The following PTPRD variants were observed in gnomAD, a reference collection of about 807,000 sequenced individuals.
PTPRD encodes the protein protein tyrosine phosphatase receptor type D, also known as receptor-type tyrosine-protein phosphatase delta.
A neutral mutation model predicts 214.5 loss-of-function variants in PTPRD; 34 were observed. The ratio of observed to expected loss-of-function variants is 0.16; its 90% CI spans 0.12 to 0.21. The LOEUF (loss-of-function observed/expected upper bound fraction) is 0.21. PTPRD is among the 10% of genes least tolerant of loss of function. The pLI is 1.00. For missense variants in PTPRD, 2,545 were observed against 2,398.7 expected (o/e 1.06, Z -1.27); for synonymous variants, 1,128 against 845.7 (o/e 1.33, Z -5.79).
intron 9 of PTPRD, among the ~76,000 whole-genome samples, chr9:9,220,278 C>T (rs2099954992): frequency 6.8e-6 from 1 of 146,584 alleles, no homozygotes; most frequent in African/African-American, 2.5e-5. Context: ...ATGGGGTAAC[C>T]ATTCTTTACT....
rs542594141 is a variant in PTPRD at position 9,175,571 on chromosome 9, C to T, written c.-143+7733G>A. Among the ~76,000 whole-genome samples, 525 of 141,078 alleles carry T rather than the reference C, an allele frequency of 3.7e-3. 2 individuals carry two copies. The highest frequency in any genetic ancestry group is 5.9e-3 in the Non-Finnish European group (392 of 66,768). 92.6% of individuals were successfully genotyped at this position (141,078 alleles called of 152,430 possible). A position where few individuals can be genotyped will look rare whatever the true frequency, so the allele number is the denominator to read the frequency against. ...CTGGGAGATGGAGGTTACAGTGAGC[C>T]GAGATTGCGCTGCTGCACTCCAGCT... is the stretch of plus-strand genomic sequence containing the variant. On this transcript the variant is annotated intron_variant, in intron 10 of 45. Transcript: ENST00000381196.
At chr9:10,097,581 T>A (rs922740035) in intron 3 of PTPRD, among the ~76,000 whole-genome samples, 1 of 151,824 alleles carries the variant, frequency 6.6e-6, no homozygotes, top group African/African-American at 2.4e-5. Flanking sequence ...TTTTTGCACA[T>A]TGATTTTGTA....
chr9:9,644,768 A>T (rs889071012), intron 7 of PTPRD, among the ~76,000 whole-genome samples: 1 of 152,000 alleles, frequency 6.6e-6, no homozygotes, highest in African/African-American at 2.4e-5. Flanking sequence ...AAAACCACAA[A>T]CCCCACTGGC....
chr9:10,017,779 A>C (rs1217062110), intron 4 of PTPRD, among the ~76,000 whole-genome samples: 1 of 152,030 alleles, frequency 6.6e-6, no homozygotes, highest in Non-Finnish European at 1.5e-5. Context: ...TATTTATTTA[A>C]TATTTTGATA....
chr9:9,864,327 A>T, intron 5 of PTPRD, among the ~76,000 whole-genome samples: 1 of 147,622 alleles, frequency 6.8e-6, no homozygotes. Flanking sequence ...AAAGAGAAAG[A>T]TTAAAAAAAA....
At chr9:9,458,876 G>T (rs947461037) in intron 8 of PTPRD, among the ~76,000 whole-genome samples, 4 of 152,092 alleles carry the variant, frequency 2.6e-5, no homozygotes, top group Non-Finnish European at 5.9e-5. Context: ...GGAGGGAGAA[G>T]CTGCAGTGAT....
intron 11 of PTPRD, among the ~76,000 whole-genome samples, chr9:8,748,034 C>A (rs971126050): frequency 1.3e-5 from 2 of 152,168 alleles, no homozygotes; most frequent in Non-Finnish European, 2.9e-5. Flanking sequence ...CCTGGACCGG[C>A]CTGCTAGCCC....
intron 6 of PTPRD, among the ~76,000 whole-genome samples, chr9:9,758,193 T>A (rs949026056): frequency 3.3e-5 from 5 of 151,318 alleles, no homozygotes; most frequent in African/African-American, 1.2e-4. Flanking sequence ...ACTTTTTTTT[T>A]TATTCCTGAA....
At chr9:8,852,513 G>C (rs957694708) in intron 11 of PTPRD, among the ~76,000 whole-genome samples, 1 of 152,190 alleles carries the variant, frequency 6.6e-6, no homozygotes, top group Non-Finnish European at 1.5e-5. Context: ...CCAAAGTGGG[G>C]ACCTGCCACG....
intron 2 of PTPRD, among the ~76,000 whole-genome samples, chr9:10,438,977 T>C (rs1018483832): frequency 6.6e-6 from 1 of 151,682 alleles, no homozygotes; most frequent in Non-Finnish European, 1.5e-5. Context: ...CTTTTTGTTG[T>C]CCCCTGTTTG....
At chr9:9,791,614 T>C (rs934967487) in intron 5 of PTPRD, among the ~76,000 whole-genome samples, 12 of 152,140 alleles carry the variant, frequency 7.9e-5, no homozygotes, top group African/African-American at 2.9e-4. Flanking sequence ...TCTTTCTTCC[T>C]TTCATCTTTC....
chr9:9,593,729 G>A (rs958907902), intron 7 of PTPRD, among the ~76,000 whole-genome samples: 1 of 151,926 alleles, frequency 6.6e-6, no homozygotes, highest in Non-Finnish European at 1.5e-5. Flanking sequence ...ACACAATGAA[G>A]GTCACTGAGG....
intron 10 of PTPRD, among the ~76,000 whole-genome samples, chr9:9,140,028 A>G (rs1462452779): frequency 6.6e-6 from 1 of 152,110 alleles, no homozygotes; most frequent in Non-Finnish European, 1.5e-5. Flanking sequence ...AAGAGAATGG[A>G]TTATTTTGTT....
intron 2 of PTPRD, among the ~76,000 whole-genome samples, chr9:10,410,270 T>TATATATATATATATATATACAC (rs532202941): frequency 3.4e-4 from 48 of 139,840 alleles, no homozygotes; most frequent in African/African-American, 1.2e-3. Flanking sequence ...TATATATATA[T>TATATATATATATATATATACAC]ACACACACAC....
chr9:8,452,594 A>G (rs1047059452), intron 33 of PTPRD, among the ~76,000 whole-genome samples: 2 of 151,902 alleles, frequency 1.3e-5, no homozygotes, highest in African/African-American at 4.8e-5. Flanking sequence ...GCCTTGCTCT[A>G]TTTTTTTTCT....
At chr9:10,468,428 C>A (rs937405242) in intron 2 of PTPRD, among the ~76,000 whole-genome samples, 3 of 152,088 alleles carry the variant, frequency 2.0e-5, no homozygotes, top group Non-Finnish European at 4.4e-5. Context: ...TATGTTCTCA[C>A]TCATAAGAGG....
chr9:9,734,151 A>C (rs2098250828), intron 7 of PTPRD, among the ~76,000 whole-genome samples: 1 of 152,172 alleles, frequency 6.6e-6, no homozygotes, highest in South Asian at 2.1e-4. Context: ...GTGTCAGCTC[A>C]TCTTTGGTTT....
At chr9:10,603,884 G>A (rs934407675) in intron 2 of PTPRD, among the ~76,000 whole-genome samples, 1 of 151,844 alleles carries the variant, frequency 6.6e-6, no homozygotes, top group African/African-American at 2.4e-5. Flanking sequence ...TACAAGAAGT[G>A]ATAAACTACA....
chr9:8,324,226 A>T (rs769113122), intron 44 of PTPRD, among the ~76,000 whole-genome samples: 2 of 151,806 alleles, frequency 1.3e-5, no homozygotes, highest in African/African-American at 2.4e-5. Flanking sequence ...CATTAGGTAT[A>T]TCTCCTGATG....
Sources: gnomAD v4.1 joint callset for allele counts (sites outside exome capture counted in the v4.1 genomes callset) on GRCh38, gnomAD v4.1.1 for gene constraint, MANE v1.5 for transcripts, NCBI Gene and HGNC (gene_info 2026-07-23, HGNC 2026-07-21) for gene names.